The following SUCLA2 variants were observed in gnomAD, a reference collection of about 807,000 sequenced individuals.
SUCLA2 encodes succinate-CoA ligase ADP-forming subunit beta.
Under a neutral mutation model 54.8 loss-of-function variants are expected in SUCLA2, and 30 were observed. The observed-to-expected ratio is 0.55, with a 90% confidence interval of 0.41 to 0.74. SUCLA2 has a LOEUF of 0.74. Ranked by LOEUF, SUCLA2 falls within the 30% of genes least tolerant of loss-of-function variation. SUCLA2 has a pLI of 0.00. For synonymous variants in SUCLA2, 172 were observed against 188.9 expected, an observed-to-expected ratio of 0.91 and a Z score of 0.74; for missense variants, 476 against 562.9, an observed-to-expected ratio of 0.85 and a Z score of 1.56.
intron 10 of SUCLA2, among the ~76,000 whole-genome samples, chr13:47,944,235 A>G (rs1447396911): frequency 6.6e-6 from 1 of 152,220 alleles, no homozygotes; most frequent in African/African-American, 2.4e-5. Flanking sequence ...CCAAATTCAT[A>G]TTAAATGAGA....
chr13:47,971,160 C>T lies in SUCLA2; in HGVS notation c.663+2104G>A, dbSNP rs1447319591. On this transcript the variant is annotated intron_variant, in intron 5 of 10. Transcript: ENST00000646932. Reference sequence around the variant, plus strand: ...AGGCGCGGCGGCTCACACCTGTAATCCCAGCACTTTGGGAGGCCCAGGCAG... The same window carrying T: ...AGGCGCGGCGGCTCACACCTGTAATTCCAGCACTTTGGGAGGCCCAGGCAG... Among the ~76,000 whole-genome samples the T allele has an allele frequency of 2.0e-5, 3 of 152,340 alleles. No individual in the cohort carries two copies. In the South Asian group the frequency reaches 6.2e-4, roughly 32 times the overall value.
chr13:47,985,220 ATTCT>A (rs933775192), intron 4 of SUCLA2, among the ~76,000 whole-genome samples: 1 of 152,100 alleles, frequency 6.6e-6, no homozygotes, highest in Non-Finnish European at 1.5e-5. Flanking sequence ...TGCTTTGCTT[ATTCT>A]TTTTTTTTCT....
chr13:47,976,035 C>A (rs1324292308), intron 4 of SUCLA2, among the ~76,000 whole-genome samples: 2 of 152,100 alleles, frequency 1.3e-5, no homozygotes, highest in Admixed American at 6.5e-5. Flanking sequence ...CTGCTTGAGT[C>A]TGGGAGTTCG....
At chr13:47,984,554 A>T (rs1049668027) in intron 4 of SUCLA2, among the ~76,000 whole-genome samples, 8 of 152,006 alleles carry the variant, frequency 5.3e-5, no homozygotes, top group East Asian at 1.9e-4. Flanking sequence ...GTATTTTTTT[A>T]AATTTGCCTT....
intron 6 of SUCLA2, among the ~76,000 whole-genome samples, chr13:47,957,920 A>G (rs562306860): frequency 2.0e-5 from 3 of 152,310 alleles, no homozygotes; most frequent in African/African-American, 7.2e-5. Context: ...TTGCTGTAGC[A>G]GCTGGATTGT....
intron 2 of SUCLA2, chr13:47,994,923 C>T (rs1160628205): frequency 2.2e-6 from 2 of 915,070 alleles, no homozygotes; most frequent in Admixed American, 6.2e-5. Flanking sequence ...TTTTATAAGG[C>T]ATAATCAAAA....
rs1397436892 is a variant in SUCLA2, at chr13:47,988,932, T to C, written c.321A>G (p.Gly107=). The C allele has an allele frequency of 1.9e-6, 3 of 1,613,602 alleles. No individual in the cohort carries two copies. Among genetic ancestry groups the C allele is most frequent in the Admixed American group, 1.7e-5 (1 of 60,030 alleles). The part of the protein sequence containing the change: ...IKAQVLAGGR[G]KGTFESGLKG... ...TGAGGCCACTTTCAAATGTTCCTTT[T>C]CCTCTACCACCAGCTAAAACCTGTG... is the stretch of plus-strand genomic sequence containing the variant. Residue 107 remains glycine (G), a synonymous_variant, in exon 3 of 11, where the codon GGA becomes GGG. Coordinates refer to ENST00000646932, the MANE Select transcript of SUCLA2 (RefSeq NM_003850.3).
Position 47,961,627 on chromosome 13 carries a change from T to C in SUCLA2, c.802+6968A>G, listed in dbSNP as rs138394611. ...ACAGGAAGCATTATCAAATGTGAGG[T>C]AGTATTTAACTGTCTTTGGGTTATA... On this transcript the variant is annotated intron_variant, in intron 6 of 10. Coordinates refer to ENST00000646932, the MANE Select transcript of SUCLA2 (RefSeq NM_003850.3). Among the ~76,000 whole-genome samples, 68 of 152,310 alleles carry C rather than the reference T, an allele frequency of 4.5e-4. No individual in the cohort carries two copies. In the East Asian group the frequency reaches 0.013, roughly 28 times the overall value.
intron 6 of SUCLA2, 92 bp downstream of exon 6, chr13:47,968,503 T>G: frequency 6.9e-7 from 1 of 1,449,330 alleles, no homozygotes; most frequent in South Asian, 1.2e-5. Context: ...GGTAGAAGTT[T>G]AACTACTTTA....
chr13:47,992,315 A>C (rs1475867016), intron 2 of SUCLA2, among the ~76,000 whole-genome samples: 1 of 150,882 alleles, frequency 6.6e-6, no homozygotes, highest in Non-Finnish European at 1.5e-5. Context: ...CTTTAGGAAT[A>C]TAAAGTCTTT....
At chr13:47,988,371 G>T in intron 4 of SUCLA2, 170 bp downstream of exon 4, 1 of 668,228 alleles carries the variant, frequency 1.5e-6, no homozygotes, top group South Asian at 2.4e-5. Flanking sequence ...CAAATTTTAC[G>T]GCATTAAAGA....
intron 6 of SUCLA2, among the ~76,000 whole-genome samples, chr13:47,959,528 GGA>G: frequency 6.7e-6 from 1 of 148,502 alleles, no homozygotes; most frequent in African/African-American, 2.5e-5. Flanking sequence ...AGGAGGAGGA[GGA>G]GGAAAATCTG....
At chr13:47,944,272 T>C (rs1949711300) in intron 10 of SUCLA2, among the ~76,000 whole-genome samples, 1 of 152,188 alleles carries the variant, frequency 6.6e-6, no homozygotes, top group Admixed American at 6.5e-5. Context: ...CAGCTTAGCA[T>C]TGCATGCACA....
chr13:47,986,082 G>A (rs1340580405), intron 4 of SUCLA2, among the ~76,000 whole-genome samples: 1 of 147,094 alleles, frequency 6.8e-6, no homozygotes, highest in Non-Finnish European at 1.5e-5. Flanking sequence ...CCAGACGGGA[G>A]TGCAGTAGCA....
intron 6 of SUCLA2, among the ~76,000 whole-genome samples, chr13:47,960,689 T>C (rs961605481): frequency 6.6e-6 from 1 of 151,994 alleles, no homozygotes; most frequent in Non-Finnish European, 1.5e-5. Flanking sequence ...GTGACATTCA[T>C]TTGAATTAAG....
rs7982426 is a variant in SUCLA2 at position 48,001,104 on chromosome 13, C to G, written c.90+76G>C. On this transcript the variant is annotated intron_variant, in intron 1 of 10. Coordinates refer to ENST00000646932, the MANE Select transcript of SUCLA2 (RefSeq NM_003850.3). ...TCACTGCCGGCGAAGTGACCCCGAGCCGGGCCACGGGACCCCTCACACCTC... is the reference window on the plus strand; with the variant it reads ...TCACTGCCGGCGAAGTGACCCCGAGGCGGGCCACGGGACCCCTCACACCTC... The G allele has an allele frequency of 0.038, 59,012 of 1,537,392 alleles. 3,158 individuals carry two copies. Among genetic ancestry groups the G allele is most frequent in the East Asian group, 0.19 (7,580 of 40,752 alleles).
At chr13:47,957,274 A>G (rs1949829001) in intron 6 of SUCLA2, among the ~76,000 whole-genome samples, 1 of 152,208 alleles carries the variant, frequency 6.6e-6, no homozygotes, top group Non-Finnish European at 1.5e-5. Context: ...GCAGCACCCG[A>G]TTAAAGCCTT....
chr13:47,962,549 C>T (rs1386059258), intron 6 of SUCLA2, among the ~76,000 whole-genome samples: 1 of 152,122 alleles, frequency 6.6e-6, no homozygotes, highest in Non-Finnish European at 1.5e-5. Context: ...GCTTATTTTG[C>T]AGGTAGATCC....
chr13:47,997,520 T>G (rs535760169), intron 1 of SUCLA2, among the ~76,000 whole-genome samples: 1 of 152,306 alleles, frequency 6.6e-6, no homozygotes, highest in African/African-American at 2.4e-5. Context: ...TGCCCAGATC[T>G]CCCTGGCACT....
Sources: allele counts gnomAD v4.1 joint callset (sites outside exome capture counted in the v4.1 genomes callset), GRCh38; gene constraint gnomAD v4.1.1; transcripts MANE v1.5; gene names NCBI Gene and HGNC (gene_info 2026-07-23, HGNC 2026-07-21).